CDH18: variants seen among roughly 807,000 people sequenced by gnomAD.
The protein encoded by CDH18 is cadherin 18, also known as cadherin-18.
Under a neutral mutation model 67.9 loss-of-function variants are expected in CDH18, and 31 were observed. That is an observed-to-expected ratio of 0.46 (90% confidence interval 0.34 to 0.62). CDH18 has a LOEUF of 0.62. Ranked by LOEUF, CDH18 falls within the 20% of genes least tolerant of loss-of-function variation. CDH18 has a pLI of 0.01. For missense variants in CDH18, 890 were observed against 975.5 expected, an observed-to-expected ratio of 0.91 and a Z score of 1.17; for synonymous variants, 362 against 347.2, an observed-to-expected ratio of 1.04 and a Z score of -0.48.
At chr5:19,910,046 C>G (rs967034806) in intron 2 of CDH18, among the ~76,000 whole-genome samples, 5 of 152,076 alleles carry the variant, frequency 3.3e-5, no homozygotes, top group Non-Finnish European at 5.9e-5. Flanking sequence ...GTAGATTTTT[C>G]TCTTCTGTTA....
chr5:19,838,615 T>A, intron 3 of CDH18, 144 bp downstream of exon 3: 1 of 614,420 alleles, frequency 1.6e-6, no homozygotes, highest in East Asian at 2.7e-5. Flanking sequence ...CTCTCTAGTA[T>A]AAGTAGTAGT....
intron 2 of CDH18, among the ~76,000 whole-genome samples, chr5:20,206,903 G>A (rs1739940807): frequency 6.6e-6 from 1 of 151,812 alleles, no homozygotes; most frequent in Admixed American, 6.6e-5. Context: ...TACTGAACAG[G>A]GGAAAATTGA....
chr5:20,123,565 A>G (rs1368823476), intron 2 of CDH18, among the ~76,000 whole-genome samples: 1 of 152,122 alleles, frequency 6.6e-6, no homozygotes, highest in Non-Finnish European at 1.5e-5. Context: ...TGCTACTGAC[A>G]ATTGCACGAA....
At chr5:20,294,578 T>C (rs886713851) in intron 1 of CDH18, among the ~76,000 whole-genome samples, 3 of 152,212 alleles carry the variant, frequency 2.0e-5, no homozygotes, top group Admixed American at 2.0e-4. Flanking sequence ...ACAAAATTTA[T>C]ACCATACTAT....
chr5:20,207,734 G>A (rs12187016), intron 2 of CDH18, among the ~76,000 whole-genome samples: 80,967 of 151,806 alleles, frequency 0.53, 21,678 homozygotes, highest in Middle Eastern at 0.66. Context: ...ATTTGGGTGG[G>A]GACACAGAGC....
intron 3 of CDH18, among the ~76,000 whole-genome samples, chr5:19,837,683 G>C (rs1781824296): frequency 6.6e-6 from 1 of 152,048 alleles, no homozygotes; most frequent in Admixed American, 6.6e-5. Flanking sequence ...GTCCCTGTTG[G>C]ACAAGGGGTG....
At chr5:20,180,784 A>T (rs1026808862) in intron 2 of CDH18, among the ~76,000 whole-genome samples, 1 of 151,560 alleles carries the variant, frequency 6.6e-6, no homozygotes. Context: ...TTATTTCTCA[A>T]CCTGCCGATC....
intron 1 of CDH18, among the ~76,000 whole-genome samples, chr5:20,323,285 TA>T (rs1738209785): frequency 6.6e-6 from 1 of 152,186 alleles, no homozygotes; most frequent in Non-Finnish European, 1.5e-5. Context: ...TCTCTAGGCC[TA>T]AAAATTACAT....
At chr5:20,231,272 C>A (rs1297160486) in intron 2 of CDH18, among the ~76,000 whole-genome samples, 1 of 152,184 alleles carries the variant, frequency 6.6e-6, no homozygotes, top group Non-Finnish European at 1.5e-5. Flanking sequence ...CTACAAAATT[C>A]ATAAAAGGAT....
At chr5:19,711,923 G>A (rs1215220405) in intron 5 of CDH18, among the ~76,000 whole-genome samples, 1 of 151,952 alleles carries the variant, frequency 6.6e-6, no homozygotes, top group Non-Finnish European at 1.5e-5. Context: ...TCCACCAATG[G>A]ATGACTGGAT....
chr5:20,095,444 A>AAAGAAAGAAAGAAAGAAAAG (rs1351361955), intron 2 of CDH18, among the ~76,000 whole-genome samples: 8 of 81,906 alleles, frequency 9.8e-5, no homozygotes, highest in African/African-American at 2.8e-4. Flanking sequence ...AGAAAGAAAG[A>AAAGAAAGAAAGAAAGAAAAG]AAAGAAAGAA....
At chr5:20,166,503 A>G (rs1736305214) in intron 2 of CDH18, among the ~76,000 whole-genome samples, 1 of 151,884 alleles carries the variant, frequency 6.6e-6, no homozygotes, top group South Asian at 2.1e-4. Context: ...GAAAAAGAAA[A>G]GCCCCAACCT....
intron 3 of CDH18, among the ~76,000 whole-genome samples, chr5:19,759,374 G>A (rs542998967): frequency 3.3e-5 from 5 of 152,148 alleles, no homozygotes; most frequent in Non-Finnish European, 7.4e-5. Flanking sequence ...TATTTTTATA[G>A]GTAGAGGCAG....
intron 1 of CDH18, among the ~76,000 whole-genome samples, chr5:20,290,178 T>C (rs953201343): frequency 1.3e-5 from 2 of 152,152 alleles, no homozygotes; most frequent in Non-Finnish European, 2.9e-5. Flanking sequence ...TAGGACTCTC[T>C]GAGCCCCATC....
At chr5:19,529,314 A>C (rs1462272234) in intron 9 of CDH18, among the ~76,000 whole-genome samples, 1 of 152,044 alleles carries the variant, frequency 6.6e-6, no homozygotes, top group Admixed American at 6.5e-5. Context: ...ACACTTAGCA[A>C]GTTACAAATA....
At chr5:20,521,551 ATGAAT>A (rs2126522753) in intron 1 of CDH18, among the ~76,000 whole-genome samples, 1 of 152,220 alleles carries the variant, frequency 6.6e-6, no homozygotes, top group East Asian at 1.9e-4. Context: ...GTATGAGACA[ATGAAT>A]GTAGGCCCCA....
At chr5:19,928,291 G>T (rs950627811) in intron 2 of CDH18, among the ~76,000 whole-genome samples, 1 of 151,864 alleles carries the variant, frequency 6.6e-6, no homozygotes, top group Non-Finnish European at 1.5e-5. Flanking sequence ...TTGTATTTTC[G>T]GTACTAAAAA....
chr5:20,398,767 A>T (rs1745500996), intron 1 of CDH18, among the ~76,000 whole-genome samples: 1 of 151,570 alleles, frequency 6.6e-6, no homozygotes, highest in Admixed American at 6.6e-5. Flanking sequence ...CCACCAGGGC[A>T]CACGTATACC....
At chr5:20,056,281 G>C (rs1167370330) in intron 2 of CDH18, among the ~76,000 whole-genome samples, 26 of 149,232 alleles carry the variant, frequency 1.7e-4, no homozygotes, top group African/African-American at 6.4e-4. Flanking sequence ...TGGGATTACA[G>C]GCATGAGCCA....
Sources: allele counts gnomAD v4.1 joint callset (sites outside exome capture counted in the v4.1 genomes callset), GRCh38; gene constraint gnomAD v4.1.1; transcripts MANE v1.5; gene names NCBI Gene and HGNC (gene_info 2026-07-23, HGNC 2026-07-21).